AGBL4: variants seen among roughly 807,000 people sequenced by gnomAD.
The protein encoded by AGBL4 is AGBL carboxypeptidase 4.
AGBL4 carries 58 observed loss-of-function variants against 66.4 expected under a neutral mutation model. That is an observed-to-expected ratio of 0.87 (90% CI 0.71 to 1.09). The LOEUF (loss-of-function observed/expected upper bound fraction) is 1.09, where lower values mean the gene tolerates loss of function less well. Among genes scored for constraint, AGBL4 ranks in the 50% least tolerant of loss-of-function variants. The probability of loss-of-function intolerance (pLI) is 0.00; values close to 1 mark genes in which losing one functional copy is unlikely to be tolerated. For missense variants in AGBL4, 579 were observed against 631.0 expected, an observed-to-expected ratio of 0.92 and a Z score of 0.88; for synonymous variants, 234 against 222.9, an observed-to-expected ratio of 1.05 and a Z score of -0.44.
intron 2 of AGBL4, among the ~76,000 whole-genome samples, chr1:49,840,090 G>T (rs2148037252): frequency 6.6e-6 from 1 of 152,196 alleles, no homozygotes. Flanking sequence ...CTATAAATAT[G>T]TCTGGTCCAG....
chr1:49,678,969 T>C (rs11205638), intron 3 of AGBL4, among the ~76,000 whole-genome samples: 14,074 of 152,106 alleles, frequency 0.093, 864 homozygotes, highest in African/African-American at 0.16. Flanking sequence ...CAGGATATGG[T>C]ATATCTTCTA....
intron 1 of AGBL4, among the ~76,000 whole-genome samples, chr1:49,859,495 A>T (rs997622804): frequency 6.6e-6 from 1 of 152,178 alleles, no homozygotes; most frequent in African/African-American, 2.4e-5. Flanking sequence ...TGATCATCTC[A>T]ACAAATGCAC....
intron 3 of AGBL4, among the ~76,000 whole-genome samples, chr1:49,329,303 T>A (rs879425920): frequency 5.5e-4 from 84 of 151,806 alleles, no homozygotes; most frequent in African/African-American, 1.9e-3. Flanking sequence ...GGAGATTCCG[T>A]CTCAAAACAA....
chr1:48,531,207 T>TTC (rs59031219), downstream of AGBL4, among the ~76,000 whole-genome samples: 9 of 150,026 alleles, frequency 6.0e-5, no homozygotes, highest in South Asian at 2.1e-4. Context: ...GCTTTTTTTT[T>TTC]TCTCTCTCTC....
intron 3 of AGBL4, among the ~76,000 whole-genome samples, chr1:49,594,439 T>C (rs992114891): frequency 6.6e-6 from 1 of 152,194 alleles, no homozygotes; most frequent in Non-Finnish European, 1.5e-5. Flanking sequence ...GGTGGTTTGC[T>C]GCACCCATCA....
chr1:49,933,657 G>T (rs1297710395), intron 1 of AGBL4, among the ~76,000 whole-genome samples: 7 of 152,054 alleles, frequency 4.6e-5, no homozygotes, highest in Admixed American at 1.3e-4. Flanking sequence ...TGAGGGGGGT[G>T]AAATAAAAGT....
intron 4 of AGBL4, among the ~76,000 whole-genome samples, chr1:49,085,605 G>A (rs755611217): frequency 5.3e-5 from 8 of 151,748 alleles, no homozygotes; most frequent in Admixed American, 2.0e-4. Context: ...GGCAATCATC[G>A]AGAAACCATG....
chr1:49,884,772 C>A (rs957416115), intron 1 of AGBL4, among the ~76,000 whole-genome samples: 13 of 151,016 alleles, frequency 8.6e-5, no homozygotes, highest in Non-Finnish European at 1.8e-4. Flanking sequence ...GGTTCTACAG[C>A]CTTTAAAAAA....
At chr1:49,469,547 T>C (rs1035779045) in intron 3 of AGBL4, among the ~76,000 whole-genome samples, 2 of 151,866 alleles carry the variant, frequency 1.3e-5, no homozygotes, top group Admixed American at 6.6e-5. Context: ...TTTTGCATTT[T>C]ACCAAATACA....
At chr1:49,865,917 G>C (rs745579561) in intron 1 of AGBL4, 12 of 407,822 alleles carry the variant, frequency 2.9e-5, no homozygotes, top group Non-Finnish European at 5.0e-5. Context: ...GCACATAAAT[G>C]ACCTGAAGGA....
chr1:49,394,659 T>C (rs1424635805), intron 3 of AGBL4, among the ~76,000 whole-genome samples: 2 of 152,198 alleles, frequency 1.3e-5, no homozygotes. Context: ...AGAATTTCCA[T>C]GGCAAAGATA....
intron 3 of AGBL4, among the ~76,000 whole-genome samples, chr1:49,686,313 G>C (rs1646786919): frequency 6.6e-6 from 1 of 152,122 alleles, no homozygotes; most frequent in Non-Finnish European, 1.5e-5. Flanking sequence ...CCAGTGGATG[G>C]GGAACACCTC....
intron 2 of AGBL4, among the ~76,000 whole-genome samples, chr1:49,712,602 T>C (rs1278647020): frequency 1.3e-5 from 2 of 151,868 alleles, no homozygotes; most frequent in Non-Finnish European, 2.9e-5. Flanking sequence ...TTTTAGTAGC[T>C]CTTACCACCA....
chr1:48,794,579 A>T (rs1311804820), intron 6 of AGBL4, among the ~76,000 whole-genome samples: 1 of 152,202 alleles, frequency 6.6e-6, no homozygotes. Flanking sequence ...TGATTCTAGG[A>T]CACTTTGCCT....
intron 2 of AGBL4, among the ~76,000 whole-genome samples, chr1:49,752,560 G>A (rs1356730908): frequency 6.6e-6 from 1 of 152,140 alleles, no homozygotes; most frequent in African/African-American, 2.4e-5. Flanking sequence ...ACTTGGGGTG[G>A]AGAGTTCTGT....
chr1:49,969,424 C>T (rs1657864681), intron 1 of AGBL4, among the ~76,000 whole-genome samples: 1 of 151,980 alleles, frequency 6.6e-6, no homozygotes, highest in Non-Finnish European at 1.5e-5. Context: ...GTATACAACA[C>T]AGTATTATTA....
intron 6 of AGBL4, among the ~76,000 whole-genome samples, chr1:48,837,589 G>A (rs1464825036): frequency 1.3e-5 from 2 of 151,304 alleles, no homozygotes; most frequent in East Asian, 3.9e-4. Flanking sequence ...GACTGGGACT[G>A]GCTTCCTTGC....
intron 3 of AGBL4, among the ~76,000 whole-genome samples, chr1:49,294,752 G>A (rs1026700643): frequency 5.3e-5 from 8 of 152,036 alleles, no homozygotes; most frequent in Non-Finnish European, 7.4e-5. Context: ...TCACTCCTAC[G>A]CATGTTCTGA....
chr1:48,743,265 T>G (rs925503461), intron 6 of AGBL4, among the ~76,000 whole-genome samples: 14 of 152,248 alleles, frequency 9.2e-5, no homozygotes, highest in African/African-American at 3.4e-4. Context: ...ACTGGAGCAT[T>G]TGAATCAAGA....
Sources: allele counts gnomAD v4.1 joint callset (sites outside exome capture counted in the v4.1 genomes callset), GRCh38; gene constraint gnomAD v4.1.1; transcripts MANE v1.5; gene names NCBI Gene and HGNC (gene_info 2026-07-23, HGNC 2026-07-21).